COL4A4: variants seen among roughly 807,000 people sequenced by gnomAD.
COL4A4 encodes the protein collagen type IV alpha 4 chain, also known as collagen alpha-4(IV) chain.
A neutral mutation model predicts 192.9 loss-of-function variants in COL4A4; 105 were observed. That is an observed-to-expected ratio of 0.54 (90% CI 0.46 to 0.64). The LOEUF (loss-of-function observed/expected upper bound fraction) is 0.64, where lower values mean the gene tolerates loss of function less well. Among genes scored for constraint, COL4A4 ranks in the 30% least tolerant of loss-of-function variants. The probability of loss-of-function intolerance (pLI) is 0.00; values close to 1 mark genes in which losing one functional copy is unlikely to be tolerated. For missense variants in COL4A4, 1,967 were observed against 2,169.3 expected (o/e 0.91, Z 1.85); for synonymous variants, 762 against 769.9 (o/e 0.99, Z 0.17).
intron 44 of COL4A4, among the ~76,000 whole-genome samples, chr2:227,014,126 A>G (rs1488450656): frequency 3.3e-5 from 5 of 152,194 alleles, no homozygotes; most frequent in Admixed American, 2.6e-4. Flanking sequence ...TAACTTGCCT[A>G]GAGCAACCCT....
intron 9 of COL4A4, among the ~76,000 whole-genome samples, chr2:227,110,526 C>G (rs10180992): frequency 0.2 from 30,313 of 151,658 alleles, 4,923 homozygotes; most frequent in African/African-American, 0.44. Flanking sequence ...GGGATTACAG[C>G]CACGCACCAC....
At chr2:227,134,791 T>C (rs2062704221) in intron 4 of COL4A4, among the ~76,000 whole-genome samples, 1 of 152,230 alleles carries the variant, frequency 6.6e-6, no homozygotes, top group Admixed American at 6.5e-5. Context: ...CCAAAAAGAC[T>C]AAGACAATTC....
the COL4A4 span, among the ~76,000 whole-genome samples, chr2:226,984,535 G>C: frequency 1.3e-5 from 2 of 152,134 alleles, no homozygotes; most frequent in Non-Finnish European, 2.9e-5. Flanking sequence ...TCACATTGAG[G>C]GTTTGGACTT....
At chr2:227,072,727 G>A (rs895011052) in intron 25 of COL4A4, among the ~76,000 whole-genome samples, 4 of 152,056 alleles carry the variant, frequency 2.6e-5, no homozygotes, top group Non-Finnish European at 5.9e-5. Context: ...TTCATCCCAG[G>A]GATGTAGGGA....
At chr2:227,060,293 G>T in intron 26 of COL4A4, 50 bp from the exon 27 acceptor site, 2 of 1,238,112 alleles carry the variant, frequency 1.6e-6, no homozygotes, top group Non-Finnish European at 1.2e-6. Context: ...AAAATCTAAT[G>T]TGAACAAAAT....
intron 44 of COL4A4, among the ~76,000 whole-genome samples, chr2:227,014,863 G>T (rs1964537805): frequency 6.6e-6 from 1 of 151,092 alleles, no homozygotes; most frequent in South Asian, 2.1e-4. Flanking sequence ...CGAGTAGCTG[G>T]GACTACAGGC....
intron 37 of COL4A4, among the ~76,000 whole-genome samples, chr2:227,041,848 G>GAAAGAAAGAAAGAAAA (rs1243663359): frequency 2.6e-5 from 1 of 38,692 alleles, no homozygotes; most frequent in Non-Finnish European, 4.7e-5. Flanking sequence ...AAGAAAGAAA[G>GAAAGAAAGAAAGAAAA]AGAAAGAAAG....
At chr2:227,095,254 C>T (rs1448753327) in intron 19 of COL4A4, among the ~76,000 whole-genome samples, 3 of 152,138 alleles carry the variant, frequency 2.0e-5, no homozygotes, top group Non-Finnish European at 4.4e-5. Context: ...AATATAGACT[C>T]ACGTAATCAT....
intron 9 of COL4A4, among the ~76,000 whole-genome samples, chr2:227,109,639 C>T (rs1488440093): frequency 1.3e-5 from 2 of 151,740 alleles, no homozygotes; most frequent in African/African-American, 4.8e-5. Flanking sequence ...CCCAGCTACT[C>T]GGGAGGCTGA....
intron 21 of COL4A4, among the ~76,000 whole-genome samples, 162 bp from the exon 22 acceptor site, chr2:227,088,978 G>T (rs1217426333): frequency 1.3e-5 from 2 of 152,218 alleles, no homozygotes; most frequent in Non-Finnish European, 2.9e-5. Context: ...GGTGTGGCAT[G>T]GGGCACTACA....
rs898704658 is a variant in COL4A4, at chr2:227,089,919, T to A, written c.1408A>T (p.Ile470Leu). The change falls in exon 21 of 48, where the codon ATA (isoleucine) becomes TTA (leucine). Residue 470 changes from isoleucine to leucine, a missense_variant. Ile to Leu is a conservative substitution (Grantham distance 5). Transcript: ENST00000396625. ...CCTGGGGGACCAACTTTGCCTTTTATTCCTTGTGGTCCGGGGTTCCCAACA... is the reference window on the plus strand; with the variant it reads ...CCTGGGGGACCAACTTTGCCTTTTAATCCTTGTGGTCCGGGGTTCCCAACA... Reference protein sequence around the residue: ...CSVGNPGPQGIKGKVGPPGGR... With the variant: ...CSVGNPGPQGLKGKVGPPGGR... 4 of 1,613,766 alleles carry A rather than the reference T, an allele frequency of 2.5e-6. No individual in the cohort carries two copies. In the East Asian group the frequency reaches 8.9e-5, roughly 36 times the overall value.
At chr2:227,097,416 GT>G (rs2150725253) in intron 19 of COL4A4, among the ~76,000 whole-genome samples, 1 of 152,278 alleles carries the variant, frequency 6.6e-6, no homozygotes, top group Admixed American at 6.5e-5. Flanking sequence ...AAATGTATAT[GT>G]TTTTCATATA....
intron 1 of COL4A4, 81 bp from the exon 2 acceptor site, chr2:227,147,665 G>A (rs1408850782): frequency 1.8e-6 from 1 of 569,990 alleles, no homozygotes; most frequent in Non-Finnish European, 3.2e-6. Context: ...TTATCGTTAT[G>A]GAAATATTTT....
At chr2:227,139,130 T>C (rs975350718) in intron 4 of COL4A4, among the ~76,000 whole-genome samples, 23 of 152,248 alleles carry the variant, frequency 1.5e-4, no homozygotes, top group African/African-American at 5.1e-4. Context: ...CATATGAGGA[T>C]ACAGTGAGAA....
intron 4 of COL4A4, among the ~76,000 whole-genome samples, chr2:227,139,660 C>T (rs1043872927): frequency 1.1e-4 from 16 of 152,156 alleles, no homozygotes; most frequent in Non-Finnish European, 1.5e-4. Context: ...TGAGCAGAAG[C>T]ATTTTGAACT....
Position 227,005,557 on chromosome 2 carries a change from T to G in COL4A4, c.*1768A>C, listed in dbSNP as rs1030156081. ...ATATTCTGCTACATCAAGAAAATATTTCATCTTAAAATACACATTTTTCTT... is the reference window on the plus strand; with the variant it reads ...ATATTCTGCTACATCAAGAAAATATGTCATCTTAAAATACACATTTTTCTT... On this transcript the variant is annotated 3_prime_UTR_variant, in exon 48 of 48. Transcript: ENST00000396625. 1.3e-5 allele frequency: 2 copies of G among 152,208 alleles called. No homozygotes were observed. Among genetic ancestry groups the G allele is most frequent in the African/African-American group, 4.8e-5 (2 of 41,448 alleles). The allele number at this position is 152,208 out of a possible 1,614,324, so 9.4% of individuals were successfully genotyped here.
intron 30 of COL4A4, 71 bp from the exon 31 acceptor site, chr2:227,054,808 T>A: frequency 6.7e-7 from 1 of 1,497,740 alleles, no homozygotes; most frequent in Non-Finnish European, 9.1e-7. Flanking sequence ...GGGTGGGAGG[T>A]GGACAGAGTC....
At chr2:227,031,267 C>T (rs923165749) in intron 40 of COL4A4, among the ~76,000 whole-genome samples, 1 of 152,118 alleles carries the variant, frequency 6.6e-6, no homozygotes, top group Non-Finnish European at 1.5e-5. Flanking sequence ...AGTGTATGAT[C>T]CCTAAAATCC....
chr2:227,164,279 T>C, upstream of COL4A4: 1 of 238,490 alleles, frequency 4.2e-6, no homozygotes, highest in Non-Finnish European at 8.2e-6. This position sits in a 1 kb window ranked among gnomAD's most constrained non-coding sequence, Gnocchi z 4.8. Flanking sequence ...CGCAGCCACC[T>C]CCCCACCGCG....
Sources: allele counts gnomAD v4.1 joint callset (sites outside exome capture counted in the v4.1 genomes callset), GRCh38; gene constraint gnomAD v4.1.1; non-coding constraint Gnocchi (gnomAD v3.1); transcripts MANE v1.5; gene names NCBI Gene and HGNC (gene_info 2026-07-23, HGNC 2026-07-21).